APAF1: variants seen among roughly 807,000 people sequenced by gnomAD.
APAF1 encodes the protein apoptotic protease-activating factor 1.
A neutral mutation model predicts 152.4 loss-of-function variants in APAF1; 91 were observed. That is an observed-to-expected ratio of 0.60 (90% confidence interval 0.50 to 0.71). The LOEUF is 0.71. Among genes scored for constraint, APAF1 ranks in the 30% least tolerant of loss-of-function variants. The probability of loss-of-function intolerance (pLI) is 0.00; values close to 1 mark genes in which losing one functional copy is unlikely to be tolerated. For synonymous variants in APAF1, 484 were observed against 494.1 expected (o/e 0.98, Z 0.27); for missense variants, 1,283 against 1,472.0 (o/e 0.87, Z 2.10).
intron 10 of APAF1, among the ~76,000 whole-genome samples, chr12:98,670,664 TG>T (rs1228117398): frequency 6.6e-6 from 1 of 152,058 alleles, no homozygotes; most frequent in Non-Finnish European, 1.5e-5. Flanking sequence ...TATTTTGCTT[TG>T]GGGTCATGTT....
intron 24 of APAF1, 25 bp from the exon 25 acceptor site, chr12:98,725,390 C>T: frequency 6.2e-7 from 1 of 1,613,700 alleles, no homozygotes; most frequent in African/African-American, 1.3e-5. Context: ...TATAGCATTG[C>T]TAAACAATCC....
At chr12:98,680,447 A>G in intron 14 of APAF1, 45 bp downstream of exon 14, 1 of 1,598,534 alleles carries the variant, frequency 6.3e-7, no homozygotes, top group Non-Finnish European at 8.5e-7. Context: ...AACAGAATTC[A>G]TTTTATTTTT....
chr12:98,652,650 G>A (rs2097650385), intron 4 of APAF1, among the ~76,000 whole-genome samples: 1 of 151,232 alleles, frequency 6.6e-6, no homozygotes, highest in South Asian at 2.1e-4. Flanking sequence ...TTTTGAGACG[G>A]AGTTTCGCTC....
chr12:98,716,343 A>G (rs909892118), intron 22 of APAF1, among the ~76,000 whole-genome samples: 10 of 152,154 alleles, frequency 6.6e-5, no homozygotes, highest in African/African-American at 2.4e-4. Flanking sequence ...TTATCAATCC[A>G]TTTATCCCAA....
chr12:98,663,233 G>A (rs2097667842), intron 7 of APAF1, among the ~76,000 whole-genome samples: 1 of 152,082 alleles, frequency 6.6e-6, no homozygotes, highest in South Asian at 2.1e-4. Flanking sequence ...TACGTTTTAA[G>A]AAGTTATCCT....
Position 98,677,520 on chromosome 12 carries a change from T to A in APAF1, c.1889T>A (p.Ile630Lys). 6.2e-7 allele frequency: 1 copy of A among 1,614,198 alleles called. No homozygotes were observed. The highest frequency in any genetic ancestry group is 8.5e-7 in the Non-Finnish European group (1 of 1,180,022). Reference protein sequence around the residue: ...HACFSEDGQRIASCGADKTLQ... With the variant: ...HACFSEDGQRKASCGADKTLQ... ...TGCTTTTCTGAGGATGGTCAGAGAATAGCTTCTTGTGGAGCTGATAAAACC... is the reference window on the plus strand; with the variant it reads ...TGCTTTTCTGAGGATGGTCAGAGAAAAGCTTCTTGTGGAGCTGATAAAACC... Residue 630 changes from isoleucine to lysine, a missense_variant, in exon 13 of 27, where the codon ATA becomes AAA. Physicochemically the swap from Ile to Lys is moderately radical, Grantham distance 102. Coordinates refer to ENST00000551964, the MANE Select transcript of APAF1 (RefSeq NM_181861.2).
intron 15 of APAF1, 47 bp from the exon 16 acceptor site, chr12:98,686,701 C>T (rs2097698368): frequency 6.4e-7 from 1 of 1,570,650 alleles, no homozygotes; most frequent in South Asian, 1.1e-5. Flanking sequence ...TGATGTTTCC[C>T]CACTCAATAC....
Position 98,732,689 on chromosome 12 carries a change from A to T in APAF1, c.*123A>T. On this transcript the variant is annotated 3_prime_UTR_variant, in exon 27 of 27. Transcript: ENST00000551964. ...TGTTGTGCAGTATTGCATTCATTAC[A>T]AAAGTGTTTGTGGTTGGATGAATAA... 3 of 678,544 alleles carry T rather than the reference A, an allele frequency of 4.4e-6. No individual in the cohort carries two copies. Among genetic ancestry groups the T allele is most frequent in the South Asian group, 3.8e-5 (2 of 52,254 alleles). 42.0% of individuals were successfully genotyped at this position (678,544 alleles called of 1,614,324 possible). A position where few individuals can be genotyped will look rare whatever the true frequency, so the allele number is the denominator to read the frequency against.
At chr12:98,671,754 T>C (rs867082005) in intron 12 of APAF1, 35 bp downstream of exon 12, 5 of 1,587,142 alleles carry the variant, frequency 3.2e-6, no homozygotes, top group Middle Eastern at 1.7e-4. Context: ...AAGGGAGTGG[T>C]GCGCTAACTA....
At chr12:98,650,105 CCATTCATCAGTGTGTTCT>C (rs1323358265) in intron 4 of APAF1, among the ~76,000 whole-genome samples, 6 of 152,136 alleles carry the variant, frequency 3.9e-5, no homozygotes, top group Non-Finnish European at 8.8e-5. Flanking sequence ...TAGGCTGCCC[CCATTCATCAGTGTGTTCT>C]CATTCATCAG....
In APAF1 at chr12:98,706,571, A is replaced by G; in HGVS notation, c.2682A>G (p.Gly894=). Residue 894 remains glycine (G), a synonymous_variant, in exon 19 of 27, where the codon GGA becomes GGG. Coordinates refer to ENST00000551964, the MANE Select transcript of APAF1 (RefSeq NM_181861.2). ...WVHGVMFSPD[G]SSFLTSSDDQ... is the part of the protein sequence containing the mutation. ...ATGGTGTGATGTTTTCTCCTGATGGATCATCATTTTTGACATCTTCTGATG... is the reference window on the plus strand; with the variant it reads ...ATGGTGTGATGTTTTCTCCTGATGGGTCATCATTTTTGACATCTTCTGATG... The G allele has an allele frequency of 6.2e-7, 1 of 1,614,032 alleles. No individual in the cohort carries two copies. The highest frequency in any genetic ancestry group is 8.5e-7 in the Non-Finnish European group (1 of 1,179,918).
chr12:98,719,202 G>A (rs2097738676), intron 22 of APAF1, among the ~76,000 whole-genome samples: 1 of 152,124 alleles, frequency 6.6e-6, no homozygotes, highest in Non-Finnish European at 1.5e-5. Context: ...GGTGAACACT[G>A]TGTGGCTATC....
intron 17 of APAF1, among the ~76,000 whole-genome samples, chr12:98,700,054 A>T (rs550824779): frequency 6.6e-6 from 1 of 152,368 alleles, no homozygotes; most frequent in South Asian, 2.1e-4. Flanking sequence ...AGATAGTGAA[A>T]TTTTTATAAA....
intron 4 of APAF1, among the ~76,000 whole-genome samples, chr12:98,654,270 T>C (rs992810395): frequency 1.3e-5 from 2 of 152,204 alleles, no homozygotes; most frequent in Admixed American, 1.3e-4. Context: ...TGTATTTAAA[T>C]GCCCTAAATT....
chr12:98,648,975 A>T, intron 3 of APAF1, 160 bp downstream of exon 3: 1 of 817,082 alleles, frequency 1.2e-6, no homozygotes, highest in Non-Finnish European at 2.0e-6. Context: ...TTTTATTTGC[A>T]TCCACATTAA....
intron 14 of APAF1, among the ~76,000 whole-genome samples, chr12:98,681,844 TTAAAA>T (rs773770783): frequency 1.3e-5 from 2 of 152,168 alleles, no homozygotes; most frequent in Non-Finnish European, 2.9e-5. Context: ...TTAAAGAACT[TTAAAA>T]TAAGATAAAC....
At chr12:98,712,287 C>A in intron 20 of APAF1, 32 bp from the exon 21 acceptor site, 1 of 1,266,906 alleles carries the variant, frequency 7.9e-7, no homozygotes, top group Non-Finnish European at 1.2e-6. Context: ...CTCTTACAGC[C>A]TAATAACTGA....
At chr12:98,709,609 A>G (rs2097725658) in intron 20 of APAF1, among the ~76,000 whole-genome samples, 1 of 152,178 alleles carries the variant, frequency 6.6e-6, no homozygotes, top group African/African-American at 2.4e-5. Flanking sequence ...ATGGAAGATT[A>G]AAACACAAGA....
chr12:98,713,090 A>G (rs1321761589), intron 21 of APAF1, among the ~76,000 whole-genome samples: 1 of 152,200 alleles, frequency 6.6e-6, no homozygotes, highest in Non-Finnish European at 1.5e-5. Context: ...GAGTGTTGGG[A>G]TTACAGGCAT....
Sources: allele counts gnomAD v4.1 joint callset (sites outside exome capture counted in the v4.1 genomes callset), GRCh38; gene constraint gnomAD v4.1.1; transcripts MANE v1.5; gene names NCBI Gene and HGNC (gene_info 2026-07-23, HGNC 2026-07-21).